The following ASB5 variants were observed in gnomAD, a reference collection of about 807,000 sequenced individuals.
ASB5 encodes the protein ankyrin repeat and SOCS box containing 5, also known as ankyrin repeat and SOCS box protein 5.
In ASB5, 45 loss-of-function variants were observed where a neutral mutation model predicts 42.1. That is an observed-to-expected ratio of 1.07 (90% CI 0.84 to 1.37). The LOEUF is 1.37. Ranked by LOEUF, ASB5 falls within the 40% of genes most tolerant of loss-of-function variation. ASB5 has a pLI of 0.00. For synonymous variants in ASB5, 147 were observed against 150.6 expected (o/e 0.98, Z 0.18); for missense variants, 402 against 399.8 (o/e 1.01, Z -0.05).
In ASB5 at chr4:176,225,317, A is replaced by G; in HGVS notation, c.221T>C (p.Leu74Pro). 6.2e-7 allele frequency: 1 copy of G among 1,614,118 alleles called. No individual in the cohort carries two copies. Among genetic ancestry groups the G allele is most frequent in the East Asian group, 2.2e-5 (1 of 44,870 alleles). Residue 74 changes from leucine to proline, a missense_variant, in exon 2 of 7, where the codon CTA (leucine) becomes CCA (proline). By Grantham distance (98) the Leu-to-Pro change is moderately conservative. Transcript: ENST00000296525. ...GQGSWADRSPLHEAASQGRLL... is the reference protein window; with the variant it reads ...GQGSWADRSPPHEAASQGRLL... ...GCGACCTTGACTTGCTGCTTCATGTAGTGGTGATCGATCTGCCCAGGAACC... is the reference window on the plus strand; with the variant it reads ...GCGACCTTGACTTGCTGCTTCATGTGGTGGTGATCGATCTGCCCAGGAACC...
At chr4:176,238,180 C>T (rs936163561) in intron 1 of ASB5, among the ~76,000 whole-genome samples, 3 of 138,484 alleles carry the variant, frequency 2.2e-5, no homozygotes, top group Non-Finnish European at 4.6e-5. Flanking sequence ...GCACTCCAGC[C>T]TGGGCGACAG....
chr4:176,277,146 G>A (rs544166842), intron 1 of ASB5: 12 of 152,278 alleles, frequency 7.9e-5, no homozygotes, highest in African/African-American at 1.4e-4. Flanking sequence ...AGGCAGCCCC[G>A]CAACTGGTGA....
At chr4:176,242,293 G>A (rs574214419) in intron 1 of ASB5, among the ~76,000 whole-genome samples, 1 of 152,280 alleles carries the variant, frequency 6.6e-6, no homozygotes, top group East Asian at 1.9e-4. Context: ...TTTGGGACTA[G>A]TCTCTTGTTT....
chr4:176,267,575 C>T (rs1754381423), intron 1 of ASB5, among the ~76,000 whole-genome samples: 1 of 152,110 alleles, frequency 6.6e-6, no homozygotes, highest in South Asian at 2.1e-4. Flanking sequence ...TGAGCCACTC[C>T]ACTTCACTAC....
chr4:176,263,928 G>C (rs1323657426), intron 1 of ASB5, among the ~76,000 whole-genome samples: 1 of 151,828 alleles, frequency 6.6e-6, no homozygotes, highest in African/African-American at 2.4e-5. Context: ...AATTCTTACT[G>C]CTTTTCCTAT....
At chr4:176,254,763 A>G (rs914773699) in intron 1 of ASB5, among the ~76,000 whole-genome samples, 14 of 152,240 alleles carry the variant, frequency 9.2e-5, no homozygotes, top group African/African-American at 3.4e-4. Context: ...ACTTCTCAAA[A>G]GAAGACATAC....
In ASB5 at chr4:176,255,508, C is replaced by T. The variant is rs564390761; in HGVS notation, c.196+13405G>A. Among the ~76,000 whole-genome samples, 15 of 152,318 alleles carry T rather than the reference C, an allele frequency of 9.8e-5. No homozygotes were observed. In the East Asian group the frequency reaches 1.5e-3, roughly 16 times the overall value. Reference sequence around the variant, plus strand: ...GGATAAAGAGTATATGGTATATACACACCATGGAATACTACACAGCCATAA... The same window carrying T: ...GGATAAAGAGTATATGGTATATACATACCATGGAATACTACACAGCCATAA... On this transcript the variant is annotated intron_variant, in intron 1 of 6. Coordinates refer to ENST00000296525, the MANE Select transcript of ASB5 (RefSeq NM_080874.4).
At chr4:176,231,013 C>A (rs72706393) in intron 1 of ASB5, among the ~76,000 whole-genome samples, 30,636 of 152,112 alleles carry the variant, frequency 0.2, 3,132 homozygotes, top group East Asian at 0.25. Flanking sequence ...GGAGGTGGCT[C>A]TGCCTATATT....
intron 1 of ASB5, chr4:176,241,394 G>T: frequency 7.8e-7 from 1 of 1,288,956 alleles, no homozygotes; most frequent in Admixed American, 2.5e-5. Context: ...TTACTATTAA[G>T]GGCTCACTAA....
chr4:176,241,560 G>A lies in ASB5; in HGVS notation c.197-16219C>T, dbSNP rs1014790584. The A allele has an allele frequency of 2.6e-5, 39 of 1,518,082 alleles. No individual in the cohort carries two copies. The Admixed American group carries it at 3.1e-4, about 12-fold the overall frequency. The allele number at this position is 1,518,082 out of a possible 1,614,324, so 94.0% of individuals were successfully genotyped here. A position where few individuals can be genotyped will look rare whatever the true frequency, so the allele number is the denominator to read the frequency against. ...CTGCTTTGGGTTTCTTTACAAGGCC[G>A]TGCCCTCATACAACCTTTAGGAGTC... On this transcript the variant is annotated intron_variant, in intron 1 of 6. Coordinates refer to ENST00000296525, the MANE Select transcript of ASB5 (RefSeq NM_080874.4).
intron 5 of ASB5, among the ~76,000 whole-genome samples, 172 bp from the exon 6 acceptor site, chr4:176,217,181 T>C (rs1752997130): frequency 6.6e-6 from 1 of 152,186 alleles, no homozygotes; most frequent in African/African-American, 2.4e-5. Flanking sequence ...CATACACATA[T>C]ATGCCTCATA....
In ASB5 at chr4:176,225,338, G is replaced by T. The variant is rs755075938; in HGVS notation, c.200C>A (p.Ser67Tyr). ...EFYGVTQGQGSWADRSPLHEA... is the reference protein window; with the variant it reads ...EFYGVTQGQGYWADRSPLHEA... Reference sequence around the variant, plus strand: ...ATGTAGTGGTGATCGATCTGCCCAGGAACCTGTCAAAAAAGAAAAAAAGAA... The same window carrying T: ...ATGTAGTGGTGATCGATCTGCCCAGTAACCTGTCAAAAAAGAAAAAAAGAA... The change falls in exon 2 of 7, where the codon TCC becomes TAC. Residue 67 changes from serine to tyrosine, a missense_variant. By Grantham distance (144) the Ser-to-Tyr change is moderately radical. Transcript: ENST00000296525. 6.2e-7 allele frequency: 1 copy of T among 1,612,350 alleles called. No homozygotes were observed. The highest frequency in any genetic ancestry group is 1.1e-5 in the South Asian group (1 of 90,596).
intron 5 of ASB5, among the ~76,000 whole-genome samples, chr4:176,217,510 G>C (rs1162500672): frequency 1.3e-5 from 2 of 151,920 alleles, no homozygotes; most frequent in African/African-American, 4.8e-5. Context: ...AGCTATTTAG[G>C]TAAAATGTAT....
At chr4:176,248,290 G>T (rs1753951106) in intron 1 of ASB5, among the ~76,000 whole-genome samples, 1 of 151,952 alleles carries the variant, frequency 6.6e-6, no homozygotes, top group African/African-American at 2.4e-5. Context: ...ACCATGCCTG[G>T]CTAACTTTTG....
chr4:176,255,859 G>T (rs939457638), intron 1 of ASB5, among the ~76,000 whole-genome samples: 1 of 152,068 alleles, frequency 6.6e-6, no homozygotes, highest in African/African-American at 2.4e-5. Context: ...CTAAAATAAA[G>T]GTTGAAATTA....
chr4:176,241,458 T>C (rs1561260980), intron 1 of ASB5: 2 of 1,533,434 alleles, frequency 1.3e-6, no homozygotes, highest in African/African-American at 1.4e-5. Flanking sequence ...AGGTTTTCTT[T>C]TACCTGTTAC....
At chr4:176,271,894 C>G (rs566916327), upstream of ASB5, among the ~76,000 whole-genome samples, 1 of 152,008 alleles carries the variant, frequency 6.6e-6, no homozygotes, top group South Asian at 2.1e-4. Context: ...TAAGCACTTA[C>G]AATCTGATTG....
In ASB5 at chr4:176,222,436, T is replaced by C; in HGVS notation, c.277-16A>G. Reference sequence around the variant, plus strand: ...CATTATAACCCTAAATGTGGCATAATTTTGAAAGGTGAGCAAAGAGTTATA... The same window carrying C: ...CATTATAACCCTAAATGTGGCATAACTTTGAAAGGTGAGCAAAGAGTTATA... On this transcript the variant is annotated splice_polypyrimidine_tract_variant and intron_variant, in intron 2 of 6. Transcript: ENST00000296525. 1 of 1,591,324 alleles carries C rather than the reference T, an allele frequency of 6.3e-7. No individual in the cohort carries two copies. The highest frequency in any genetic ancestry group is 2.2e-5 in the East Asian group (1 of 44,746).
chr4:176,227,993 C>T (rs1377772105), intron 1 of ASB5, among the ~76,000 whole-genome samples: 1 of 152,062 alleles, frequency 6.6e-6, no homozygotes, highest in Non-Finnish European at 1.5e-5. Flanking sequence ...TGTTGCTTGA[C>T]AAGATAAAGT....
Sources: allele counts gnomAD v4.1 joint callset (sites outside exome capture counted in the v4.1 genomes callset), GRCh38; gene constraint gnomAD v4.1.1; transcripts MANE v1.5; gene names NCBI Gene and HGNC (gene_info 2026-07-23, HGNC 2026-07-21).